The following NARS2 variants were observed in gnomAD, a reference collection of about 807,000 sequenced individuals.
NARS2 encodes asparaginyl-tRNA synthetase 2, mitochondrial.
In NARS2, 60 loss-of-function variants were observed where a neutral mutation model predicts 62.9. That is an observed-to-expected ratio of 0.95 (90% confidence interval 0.77 to 1.18). The LOEUF is 1.18. Ranked by LOEUF, NARS2 falls within the 50% of genes most tolerant of loss-of-function variation. The pLI, the probability that NARS2 is intolerant of heterozygous loss-of-function variation, is 0.00. For synonymous variants in NARS2, 196 were observed against 200.0 expected, an observed-to-expected ratio of 0.98 and a Z score of 0.17; for missense variants, 619 against 576.4, an observed-to-expected ratio of 1.07 and a Z score of -0.76.
At chr11:78,539,780 G>A (rs1030643514) in intron 5 of NARS2, among the ~76,000 whole-genome samples, 1 of 152,132 alleles carries the variant, frequency 6.6e-6, no homozygotes, top group Non-Finnish European at 1.5e-5. Flanking sequence ...AACATGTCCT[G>A]CAATATATAC....
intron 5 of NARS2, among the ~76,000 whole-genome samples, chr11:78,537,029 G>C (rs1026724246): frequency 6.6e-6 from 1 of 152,116 alleles, no homozygotes; most frequent in African/African-American, 2.4e-5. Context: ...GAATAGGTTT[G>C]TACCTAAAGA....
chr11:78,503,501 G>A (rs112838868), intron 6 of NARS2, among the ~76,000 whole-genome samples: 2,879 of 152,294 alleles, frequency 0.019, 87 homozygotes, highest in African/African-American at 0.066. Context: ...GCCTCCCAAA[G>A]GGCTGGGATT....
chr11:78,469,461 A>T lies in NARS2; in HGVS notation c.960-148T>A, dbSNP rs10899517. ...TAAGGCTGATCTAATCCTATGAAAG[A>T]ATGATCTGCCTGAAGACAAGTAACC... is the stretch of plus-strand genomic sequence containing the variant. On this transcript the variant is annotated intron_variant, in intron 9 of 13. Coordinates refer to ENST00000281038, the MANE Select transcript of NARS2 (RefSeq NM_024678.6). 140,200 of 609,966 alleles carry T rather than the reference A, an allele frequency of 0.23. 17,836 individuals carry two copies. Among genetic ancestry groups the T allele is most frequent in the East Asian group, 0.4 (14,270 of 35,608 alleles). The allele number at this position is 609,966 out of a possible 1,614,324, so 37.8% of individuals were successfully genotyped here.
intron 6 of NARS2, among the ~76,000 whole-genome samples, chr11:78,517,557 TA>T (rs1860959996): frequency 6.6e-6 from 1 of 152,210 alleles, no homozygotes; most frequent in East Asian, 1.9e-4. Context: ...TTTTTTCCAT[TA>T]TAACCCTCTA....
intron 12 of NARS2, among the ~76,000 whole-genome samples, chr11:78,442,332 G>A (rs917909322): frequency 6.6e-5 from 10 of 152,158 alleles, no homozygotes; most frequent in Admixed American, 2.6e-4. Context: ...GGAGTTAGTC[G>A]TCTAACGAAT....
chr11:78,525,215 C>T (rs995513083), intron 6 of NARS2, among the ~76,000 whole-genome samples: 1 of 151,970 alleles, frequency 6.6e-6, no homozygotes, highest in Admixed American at 6.6e-5. Flanking sequence ...TAATGGTGAA[C>T]GTATGTCATC....
At chr11:78,460,860 G>C (rs1858367198) in intron 11 of NARS2, among the ~76,000 whole-genome samples, 1 of 152,104 alleles carries the variant, frequency 6.6e-6, no homozygotes, top group Non-Finnish European at 1.5e-5. Flanking sequence ...AAAATATTCA[G>C]GAAAAACAAA....
In NARS2 at chr11:78,574,627, C is replaced by T. The variant is rs1424033953; in HGVS notation, c.-139G>A. 4 of 924,382 alleles carry T rather than the reference C, an allele frequency of 4.3e-6. No individual in the cohort carries two copies. Among genetic ancestry groups the T allele is most frequent in the Admixed American group, 5.9e-5 (2 of 33,892 alleles). The allele number at this position is 924,382 out of a possible 1,614,324, so 57.3% of individuals were successfully genotyped here. On this transcript the variant is annotated 5_prime_UTR_variant, in exon 1 of 14. Transcript: ENST00000281038. ...AAGGCACTCCAGAGCCCCTCGGCTG[C>T]GCGCTTTCTCCTTCAGGACTCCCAG...
At chr11:78,469,206 C>T in intron 10 of NARS2, 41 bp downstream of exon 10, 1 of 1,325,462 alleles carries the variant, frequency 7.5e-7, no homozygotes, top group Non-Finnish European at 1.1e-6. Context: ...AAGAAGGAAG[C>T]ATTTTCACAC....
intron 2 of NARS2, among the ~76,000 whole-genome samples, chr11:78,569,200 G>A (rs1856837119): frequency 6.6e-6 from 1 of 152,146 alleles, no homozygotes; most frequent in Non-Finnish European, 1.5e-5. Flanking sequence ...ATAAGACTAG[G>A]TTCGAGTTCA....
intron 6 of NARS2, among the ~76,000 whole-genome samples, chr11:78,521,722 G>A (rs866367035): frequency 1.4e-3 from 208 of 147,358 alleles, no homozygotes; most frequent in African/African-American, 4.6e-3. Context: ...CCCGGGAGGC[G>A]GAGCTTGCAG....
intron 5 of NARS2, among the ~76,000 whole-genome samples, chr11:78,536,952 T>C (rs1285075008): frequency 1.3e-5 from 2 of 152,354 alleles, no homozygotes; most frequent in Non-Finnish European, 1.5e-5. Context: ...ATGTTATGTA[T>C]GTTTAGATAT....
intron 5 of NARS2, among the ~76,000 whole-genome samples, chr11:78,536,141 T>C (rs1268732901): frequency 2.0e-5 from 3 of 152,318 alleles, no homozygotes; most frequent in Admixed American, 1.3e-4. Context: ...TTCCTAGTGA[T>C]GTCACAGAGC....
At chr11:78,454,057 G>A (rs1437318260) in intron 11 of NARS2, among the ~76,000 whole-genome samples, 1 of 152,148 alleles carries the variant, frequency 6.6e-6, no homozygotes, top group Admixed American at 6.5e-5. Context: ...TAAATTTCAA[G>A]TGAACCAGAA....
chr11:78,514,208 G>C (rs1466972628), intron 6 of NARS2, among the ~76,000 whole-genome samples: 2 of 152,050 alleles, frequency 1.3e-5, no homozygotes, highest in South Asian at 4.2e-4. Context: ...CTGCAGCCTC[G>C]ACCTCCTGGA....
chr11:78,489,365 CAAATTAAA>C (rs1859718254), intron 7 of NARS2, among the ~76,000 whole-genome samples: 1 of 152,066 alleles, frequency 6.6e-6, no homozygotes, highest in African/African-American at 2.4e-5. Context: ...TAGGGAAATG[CAAATTAAA>C]ACCACAAAGA....
At chr11:78,543,469 C>T (rs1269011188) in intron 5 of NARS2, among the ~76,000 whole-genome samples, 2 of 152,124 alleles carry the variant, frequency 1.3e-5, no homozygotes, top group Non-Finnish European at 2.9e-5. Context: ...TTTATGATTA[C>T]TTGAATTCTA....
chr11:78,513,500 G>A (rs929391655), intron 6 of NARS2, among the ~76,000 whole-genome samples: 15 of 151,908 alleles, frequency 9.9e-5, no homozygotes, highest in African/African-American at 1.7e-4. Context: ...CACGTGGGCC[G>A]GGTGCGGTGG....
At chr11:78,551,520 G>A (rs1323946697) in intron 5 of NARS2, among the ~76,000 whole-genome samples, 4 of 152,136 alleles carry the variant, frequency 2.6e-5, no homozygotes, top group Non-Finnish European at 4.4e-5. Flanking sequence ...ATATTTTATG[G>A]TATGTGAGAT....
Sources: gnomAD v4.1 joint callset for allele counts (sites outside exome capture counted in the v4.1 genomes callset) on GRCh38, gnomAD v4.1.1 for gene constraint, MANE v1.5 for transcripts, NCBI Gene and HGNC (gene_info 2026-07-23, HGNC 2026-07-21) for gene names.